DMD: variants seen among roughly 807,000 people sequenced by gnomAD.
DMD encodes the protein dystrophin.
Under a neutral mutation model 330.1 loss-of-function variants are expected in DMD, and 63 were observed. That is an observed-to-expected ratio of 0.19 (90% CI 0.16 to 0.24). DMD has a LOEUF of 0.24. Ranked by LOEUF, DMD falls within the 10% of genes least tolerant of loss-of-function variation. The pLI is 1.00. For synonymous variants in DMD, 1,223 were observed against 959.8 expected (o/e 1.27, Z -5.07); for missense variants, 3,344 against 2,684.1 (o/e 1.25, Z -5.43).
rs184485072 is a variant in DMD, at chrX:32,748,685, A to G, written c.650-49392T>C. The stretch of plus-strand genomic sequence containing the variant: ...TATATCAACATGCAAATTAAAACAG[A>G]TTATCAATACATAGGGATTGACTAA... On this transcript the variant is annotated intron_variant, in intron 7 of 78. Coordinates refer to ENST00000357033, the MANE Select transcript of DMD (RefSeq NM_004006.3). 2.7e-3 allele frequency among the ~76,000 whole-genome samples: 304 copies of G among 112,244 alleles called. 1 individual carries two copies. Among genetic ancestry groups the G allele is most frequent in the African/African-American group, 9.5e-3 (292 of 30,891 alleles).
At chrX:32,267,257 C>T in intron 43 of DMD, among the ~76,000 whole-genome samples, 1 of 112,094 alleles carries the variant, frequency 8.9e-6, no homozygotes, top group Non-Finnish European at 1.9e-5. Flanking sequence ...AAACTTTCTT[C>T]TTTATACATT....
rs563677606 is a variant in DMD, at chrX:31,735,532, G to A, written c.7543-5784C>T. On this transcript the variant is annotated intron_variant, in intron 51 of 78. Transcript: ENST00000357033. ...GTTTCTTCATGCCTCCCATGGGCTGGCCTCTTAAGATGCAATTCAAGTAAA... is the reference window on the plus strand; with the variant it reads ...GTTTCTTCATGCCTCCCATGGGCTGACCTCTTAAGATGCAATTCAAGTAAA... Among the ~76,000 whole-genome samples, 4 of 111,928 alleles carry A rather than the reference G, an allele frequency of 3.6e-5. No individual in the cohort carries two copies. The South Asian group carries it at 1.5e-3, about 42-fold the overall frequency.
intron 13 of DMD, among the ~76,000 whole-genome samples, chrX:32,591,838 A>G (rs751732171): frequency 1.6e-3 from 182 of 113,038 alleles, no homozygotes; most frequent in African/African-American, 3.4e-3. Context: ...CTGCCTCCAC[A>G]TACTAAGAAG....
intron 59 of DMD, among the ~76,000 whole-genome samples, chrX:31,456,776 T>G (rs2066188773): frequency 9.2e-6 from 1 of 108,360 alleles, no homozygotes; most frequent in Admixed American, 1.0e-4. Context: ...ACTCTTAGAT[T>G]TAATTACTAC....
chrX:31,663,112 G>A (rs917802240), intron 53 of DMD, among the ~76,000 whole-genome samples: 2 of 111,704 alleles, frequency 1.8e-5, no homozygotes, highest in South Asian at 3.8e-4. Context: ...CACACTAGTG[G>A]GAGACAGAAG....
chrX:31,879,513 C>T lies in DMD; in HGVS notation c.6913-4140G>A, dbSNP rs1350475. Among the ~76,000 whole-genome samples the T allele has an allele frequency of 0.28, 31,430 of 110,547 alleles. 3,293 individuals are homozygous for T. Among genetic ancestry groups the T allele is most frequent in the East Asian group, 0.5 (1,725 of 3,448 alleles). Reference sequence around the variant, plus strand: ...TATTTAATAAGGAAAACTACTGTACCAGCTCATCTTCCTACCACAAAATGT... The same window carrying T: ...TATTTAATAAGGAAAACTACTGTACTAGCTCATCTTCCTACCACAAAATGT... On this transcript the variant is annotated intron_variant, in intron 47 of 78. Coordinates refer to ENST00000357033, the MANE Select transcript of DMD (RefSeq NM_004006.3).
chrX:31,295,694 C>T (rs1284215294), intron 62 of DMD, among the ~76,000 whole-genome samples: 1 of 111,920 alleles, frequency 8.9e-6, no homozygotes, highest in African/African-American at 3.2e-5. Context: ...GCATTACAGG[C>T]GTAGCCACCA....
intron 1 of DMD, among the ~76,000 whole-genome samples, chrX:33,270,482 G>A (rs1380829083): frequency 9.0e-6 from 1 of 111,628 alleles, no homozygotes; most frequent in Non-Finnish European, 1.9e-5. Flanking sequence ...ATGGCTCTAC[G>A]TGGGTCCTTC....
chrX:32,827,738 A>G, intron 4 of DMD, among the ~76,000 whole-genome samples: 1 of 102,664 alleles, frequency 9.7e-6, no homozygotes, highest in Non-Finnish European at 2.0e-5. Context: ...TCGGCTCACC[A>G]CAACCTCCGC....
chrX:31,222,142 G>A (rs1292149047), intron 64 of DMD, among the ~76,000 whole-genome samples: 2 of 110,060 alleles, frequency 1.8e-5, no homozygotes, highest in African/African-American at 6.6e-5. Context: ...TCTGCAGTGA[G>A]CCTAGAACGC....
intron 62 of DMD, among the ~76,000 whole-genome samples, chrX:31,267,179 A>T (rs2051249614): frequency 8.9e-6 from 1 of 112,218 alleles, no homozygotes; most frequent in Non-Finnish European, 1.9e-5. Context: ...GAAGCCACAC[A>T]CCGCTCTGCT....
At chrX:32,761,531 A>C (rs891682659) in intron 7 of DMD, among the ~76,000 whole-genome samples, 2 of 112,359 alleles carry the variant, frequency 1.8e-5, no homozygotes, top group Non-Finnish European at 3.8e-5. Context: ...AGGTCCACCC[A>C]GTAGATTTCC....
intron 62 of DMD, among the ~76,000 whole-genome samples, chrX:31,275,155 TTGTGTGTGTGTGTGTG>T (rs59068818): frequency 1.2e-4 from 12 of 96,416 alleles, no homozygotes; most frequent in Non-Finnish European, 1.7e-4. Context: ...AAATCAGGTT[TTGTGTGTGTGTGTGTG>T]TGTGTGTGTG....
At chrX:31,690,018 A>G (rs370367607) in intron 52 of DMD, among the ~76,000 whole-genome samples, 9 of 112,200 alleles carry the variant, frequency 8.0e-5, no homozygotes, top group Non-Finnish European at 1.5e-4. Context: ...TAAAAACCCT[A>G]GAAGAAAACC....
intron 34 of DMD, 85 bp from the exon 35 acceptor site, chrX:32,365,284 C>T (rs2097850675): frequency 4.2e-6 from 4 of 957,740 alleles, no homozygotes; most frequent in South Asian, 4.1e-5. Flanking sequence ...TGTATGGTTA[C>T]TATGATTCTG....
At chrX:31,737,397 T>A (rs1480534008) in intron 51 of DMD, among the ~76,000 whole-genome samples, 2 of 113,026 alleles carry the variant, frequency 1.8e-5, no homozygotes, top group Non-Finnish European at 3.7e-5. Flanking sequence ...GTTCTTGCAA[T>A]AAATAGTTCA....
intron 74 of DMD, among the ~76,000 whole-genome samples, chrX:31,167,847 G>A (rs1391664865): frequency 1.8e-5 from 2 of 111,839 alleles, no homozygotes; most frequent in Non-Finnish European, 3.8e-5. Context: ...TAAGTACTCT[G>A]GAGGATATGA....
At chrX:31,989,888 C>A (rs1278676266) in intron 44 of DMD, among the ~76,000 whole-genome samples, 1 of 110,972 alleles carries the variant, frequency 9.0e-6, no homozygotes, top group Non-Finnish European at 1.9e-5. Flanking sequence ...GAGGTTTGGG[C>A]TTCTGTTGAT....
At chrX:32,248,648 ATTAATT>A (rs1479300594) in intron 43 of DMD, among the ~76,000 whole-genome samples, 1 of 110,487 alleles carries the variant, frequency 9.1e-6, no homozygotes, top group East Asian at 2.8e-4. Flanking sequence ...ACACAATACT[ATTAATT>A]TTAACTCCTT....
Sources: allele counts gnomAD v4.1 joint callset (sites outside exome capture counted in the v4.1 genomes callset), GRCh38; gene constraint gnomAD v4.1.1; transcripts MANE v1.5; gene names NCBI Gene and HGNC (gene_info 2026-07-23, HGNC 2026-07-21).